KRT83: variants seen among roughly 807,000 people sequenced by gnomAD.
KRT83 encodes keratin, type II cuticular Hb3.
Under a neutral mutation model 52.9 loss-of-function variants are expected in KRT83, and 51 were observed. The ratio of observed to expected loss-of-function variants is 0.96; its 90% CI spans 0.77 to 1.22. KRT83 has a LOEUF of 1.22. Among genes scored for constraint, KRT83 ranks in the 50% most tolerant of loss-of-function variants. The pLI is 0.00. For synonymous variants in KRT83, 278 were observed against 274.1 expected, an observed-to-expected ratio of 1.01 and a Z score of -0.14; for missense variants, 654 against 666.5, an observed-to-expected ratio of 0.98 and a Z score of 0.21.
intron 1 of KRT83, 25 bp from the exon 2 acceptor site, chr12:52,319,389 G>T (rs1281807674): frequency 6.2e-7 from 1 of 1,612,784 alleles, no homozygotes; most frequent in Admixed American, 1.7e-5. Context: ...CAGAGCCTAA[G>T]AACCTCTTCT....
chr12:52,317,696 C>G lies in KRT83; in HGVS notation c.735G>C (p.Arg245Ser), dbSNP rs753686095. ...EALIQEIDFLRRLYEEEIRIL... is the reference protein window; with the variant it reads ...EALIQEIDFLSRLYEEEIRIL... Reference sequence around the variant, plus strand: ...AGCCCCTCACCTCCTCGTACAGCCGCCTCAGGAAGTCAATCTCCTGGATCA... The same window carrying G: ...AGCCCCTCACCTCCTCGTACAGCCGGCTCAGGAAGTCAATCTCCTGGATCA... Residue 245 changes from arginine to serine, a missense_variant, in exon 4 of 9, where the codon AGG becomes AGC. By Grantham distance (110) the Arg-to-Ser change is moderately radical. Coordinates refer to ENST00000293670, the MANE Select transcript of KRT83 (RefSeq NM_002282.3). 8.7e-6 allele frequency: 14 copies of G among 1,612,640 alleles called. No individual in the cohort carries two copies. Among genetic ancestry groups the G allele is most frequent in the Non-Finnish European group, 1.0e-5 (12 of 1,179,998 alleles).
chr12:52,314,950 G>A, intron 8 of KRT83, 132 bp from the exon 9 acceptor site: 2 of 962,342 alleles, frequency 2.1e-6, no homozygotes, highest in South Asian at 2.9e-5. Context: ...TTCTGAAGGA[G>A]GGAACCCTAG....
rs777374672 is a variant in KRT83 at position 52,321,192 on chromosome 12, C to G, written c.144G>C (p.Gly48=). 1 of 1,612,968 alleles carries G rather than the reference C, an allele frequency of 6.2e-7. No individual in the cohort carries two copies. The highest frequency in any genetic ancestry group is 1.1e-5 in the South Asian group (1 of 91,006). ...RGISCYRGLT[G]GFGSHSVCGG... ...CGCACACGCTGTGGCTGCCAAAGCCCCCGGTGAGGCCGCGGTAGCAGGAGA... is the reference window on the plus strand; with the variant it reads ...CGCACACGCTGTGGCTGCCAAAGCCGCCGGTGAGGCCGCGGTAGCAGGAGA... Residue 48 remains glycine (G), a synonymous_variant, in exon 1 of 9, where the codon GGG becomes GGC. Transcript: ENST00000293670.
chr12:52,318,124 C>T (rs923259878), intron 2 of KRT83, among the ~76,000 whole-genome samples, 154 bp from the exon 3 acceptor site: 1 of 152,102 alleles, frequency 6.6e-6, no homozygotes, highest in Non-Finnish European at 1.5e-5. Context: ...AGGCTGCTGG[C>T]CTGGGTACTA....
chr12:52,315,811 T>C (rs1020200778), intron 7 of KRT83, 82 bp downstream of exon 7: 8 of 1,583,620 alleles, frequency 5.1e-6, no homozygotes, highest in African/African-American at 4.0e-5. Flanking sequence ...GAATGTCACC[T>C]GGGGACTGAG....
At position 52,321,173 on chromosome 12, in the gene KRT83, C is replaced by A. The variant is rs767725820; in HGVS notation, c.163G>T (p.Val55Leu). 6.2e-7 allele frequency: 1 copy of A among 1,612,766 alleles called. No individual in the cohort carries two copies. The highest frequency in any genetic ancestry group is 2.2e-5 in the East Asian group (1 of 44,870). ...GLTGGFGSHS[V>L]CGGFRAGSCG... ...GAGCCGGCGCGGAAGCCCCCGCACA[C>A]GCTGTGGCTGCCAAAGCCCCCGGTG... Residue 55 changes from valine (V) to leucine (L), a missense_variant, in exon 1 of 9, where the codon GTG becomes TTG. Coordinates refer to ENST00000293670, the MANE Select transcript of KRT83 (RefSeq NM_002282.3).
At chr12:52,316,260 C>CCACACACACACACACA in intron 6 of KRT83, 147 bp from the exon 7 acceptor site, 1 of 893,244 alleles carries the variant, frequency 1.1e-6, no homozygotes, top group Non-Finnish European at 1.6e-6. Context: ...CTCACTTACA[C>CCACACACACACACACA]TACACACACA....
At chr12:52,314,987 G>T (rs1938664726) in intron 8 of KRT83, among the ~76,000 whole-genome samples, 169 bp from the exon 9 acceptor site, 1 of 152,184 alleles carries the variant, frequency 6.6e-6, no homozygotes, top group South Asian at 2.1e-4. Context: ...CCGGGGTTCT[G>T]GTCCTGGTTC....
chr12:52,320,845 G>A lies in KRT83; in HGVS notation c.384+107C>T, dbSNP rs1235496613. 1.9e-6 allele frequency: 3 copies of A among 1,607,908 alleles called. No individual in the cohort carries two copies. In the Admixed American group the frequency reaches 5.0e-5, roughly 27 times the overall value. ...ATGACTACCTTTCCCTTTGGCCTGG[G>A]AACTTCTGTGGGCAAGTTCTTGCCT... On this transcript the variant is annotated intron_variant, in intron 1 of 8. Coordinates refer to ENST00000293670, the MANE Select transcript of KRT83 (RefSeq NM_002282.3).
chr12:52,317,452 C>T (rs1356775066), intron 4 of KRT83, among the ~76,000 whole-genome samples: 2 of 152,282 alleles, frequency 1.3e-5, no homozygotes, highest in East Asian at 1.9e-4. Flanking sequence ...GTTCCCAAGG[C>T]ACAGGTGTCT....
At position 52,319,187 on chromosome 12, in the gene KRT83, C is replaced by T. The variant is rs138611799; in HGVS notation, c.562G>A (p.Val188Met). The change falls in exon 2 of 9, where the codon GTG becomes ATG. Residue 188 changes from valine (V) to methionine (M), a missense_variant. Coordinates refer to ENST00000293670, the MANE Select transcript of KRT83 (RefSeq NM_002282.3). ...SGRLASELNH[V>M]QEVLEGYKKK... ...TTGTAGCCCTCCAGCACCTCCTGCA[C>T]GTGGTTGAGCTCTGAGGCCAGCCTC... The T allele has an allele frequency of 2.5e-5, 41 of 1,613,618 alleles. 1 individual carries two copies. The South Asian group carries it at 2.6e-4, about 10-fold the overall frequency.
At chr12:52,318,322 C>T (rs921020057) in intron 2 of KRT83, among the ~76,000 whole-genome samples, 2 of 152,104 alleles carry the variant, frequency 1.3e-5, no homozygotes, top group African/African-American at 4.8e-5. Flanking sequence ...ACTACAGGTG[C>T]CCACCACCAC....
At chr12:52,314,979 G>A (rs1010288821) in intron 8 of KRT83, among the ~76,000 whole-genome samples, 161 bp from the exon 9 acceptor site, 1 of 152,152 alleles carries the variant, frequency 6.6e-6, no homozygotes, top group South Asian at 2.1e-4. Context: ...CCAGCAGACC[G>A]GGGTTCTGGT....
rs567604360 is a variant in KRT83 at position 52,317,050 on chromosome 12, A to C, written c.751-27T>G. On this transcript the variant is annotated intron_variant, in intron 4 of 8. Coordinates refer to ENST00000293670, the MANE Select transcript of KRT83 (RefSeq NM_002282.3). ...TGCAGGAGGTGGGGAAAGGAAGGAC[A>C]ACTCACTTATCTGGGCTTCTCCTAA... The C allele has an allele frequency of 5.1e-5, 82 of 1,614,182 alleles. 1 individual carries two copies. In the South Asian group the frequency reaches 8.6e-4, roughly 17 times the overall value.
chr12:52,315,223 A>T, intron 8 of KRT83, 89 bp downstream of exon 8: 4 of 1,342,392 alleles, frequency 3.0e-6, no homozygotes, highest in African/African-American at 1.4e-5. Context: ...TATTGGAAAC[A>T]CTCCTCCCAA....
chr12:52,320,840 C>T, intron 1 of KRT83, 112 bp downstream of exon 1: 2 of 1,603,206 alleles, frequency 1.2e-6, no homozygotes, highest in South Asian at 1.1e-5. Flanking sequence ...TTCCCTTTGG[C>T]CTGGGAACTT....
chr12:52,314,997 CTGCTTTGTGA>C (rs1938664931), intron 8 of KRT83, among the ~76,000 whole-genome samples, 179 bp from the exon 9 acceptor site: 1 of 152,184 alleles, frequency 6.6e-6, no homozygotes, highest in Non-Finnish European at 1.5e-5. Context: ...GGTCCTGGTT[CTGCTTTGTGA>C]CTTTGGGAGT....
intron 2 of KRT83, among the ~76,000 whole-genome samples, chr12:52,318,439 G>T (rs151265375): frequency 6.6e-6 from 1 of 151,840 alleles, no homozygotes; most frequent in Non-Finnish European, 1.5e-5. Flanking sequence ...TGTTTTTCTC[G>T]CCTAGGTCTC....
At chr12:52,320,053 G>C (rs549091014) in intron 1 of KRT83, among the ~76,000 whole-genome samples, 1 of 152,176 alleles carries the variant, frequency 6.6e-6, no homozygotes, top group African/African-American at 2.4e-5. Context: ...CTCTCCCAGC[G>C]ATGAGGTTGG....
Sources: allele counts gnomAD v4.1 joint callset (sites outside exome capture counted in the v4.1 genomes callset), GRCh38; gene constraint gnomAD v4.1.1; transcripts MANE v1.5; gene names NCBI Gene and HGNC (gene_info 2026-07-23, HGNC 2026-07-21).